Variants in QTGAL observed in about 807,000 individuals in gnomAD.
The protein encoded by QTGAL is BGnT-like protein 1.
chr17:82,961,174 G>A, the QTGAL span: 41 of 1,606,690 alleles, frequency 2.6e-5, no homozygotes, highest in African/African-American at 1.6e-4. Flanking sequence ...CAGGTCCTCC[G>A]GGACGCCCTG....
At chr17:83,006,445 G>A in the QTGAL span, 1 of 984,766 alleles carries the variant, frequency 1.0e-6, no homozygotes, top group East Asian at 1.1e-4. This position sits in a 1 kb window ranked among gnomAD's most constrained non-coding sequence, Gnocchi z 5.8. Flanking sequence ...ACTGTAGAGA[G>A]ACCCTCTGTG....
the QTGAL span, among the ~76,000 whole-genome samples, chr17:82,966,973 A>G: frequency 6.6e-6 from 1 of 152,232 alleles, no homozygotes; most frequent in Non-Finnish European, 1.5e-5. Context: ...AGCACCCATT[A>G]ATAAGAAGAC....
chr17:82,995,390 T>C, the QTGAL span, among the ~76,000 whole-genome samples: 1 of 151,566 alleles, frequency 6.6e-6, no homozygotes, highest in East Asian at 1.9e-4. Context: ...TTTTTCTTTT[T>C]TTTTTTTTTT....
chr17:83,040,553 A>G, the QTGAL span, among the ~76,000 whole-genome samples: 1 of 152,238 alleles, frequency 6.6e-6, no homozygotes, highest in Non-Finnish European at 1.5e-5. Context: ...AAAAAGAAAA[A>G]TCTTAAATAC....
At chr17:82,964,155 C>T in the QTGAL span, among the ~76,000 whole-genome samples, 1 of 146,048 alleles carries the variant, frequency 6.8e-6, no homozygotes, top group African/African-American at 2.6e-5. Context: ...CTCAGCTACT[C>T]AGGAGGCTGA....
chr17:83,034,009 T>C, the QTGAL span, among the ~76,000 whole-genome samples: 47,147 of 151,304 alleles, frequency 0.31, 8,103 homozygotes, highest in African/African-American at 0.47. Flanking sequence ...GGCGCAATCT[T>C]GGCTCACTGC....
chr17:82,996,841 A>T, the QTGAL span, among the ~76,000 whole-genome samples: 1 of 152,246 alleles, frequency 6.6e-6, no homozygotes, highest in South Asian at 2.1e-4. Context: ...CTGGATATCC[A>T]TATGCAAAAG....
chr17:83,012,932 C>T, the QTGAL span, among the ~76,000 whole-genome samples: 1 of 151,738 alleles, frequency 6.6e-6, no homozygotes, highest in Non-Finnish European at 1.5e-5. Flanking sequence ...CCGTCCCACC[C>T]GACAAGCAGA....
the QTGAL span, among the ~76,000 whole-genome samples, chr17:82,982,315 CGTGT>C: frequency 6.6e-6 from 1 of 152,224 alleles, no homozygotes; most frequent in African/African-American, 2.4e-5. Context: ...TTTTAAAACT[CGTGT>C]GTAAGTGGAC....
chr17:83,049,804 C>T, the QTGAL span, among the ~76,000 whole-genome samples: 1 of 152,106 alleles, frequency 6.6e-6, no homozygotes, highest in Non-Finnish European at 1.5e-5. Flanking sequence ...TTGTCCTTTT[C>T]TCATGAAGCC....
chr17:83,051,753 G>C, the QTGAL span: 2 of 1,497,842 alleles, frequency 1.3e-6, no homozygotes, highest in South Asian at 1.3e-5. Flanking sequence ...GGCCTGCATG[G>C]CCTGGCTCTC....
the QTGAL span, among the ~76,000 whole-genome samples, chr17:83,004,667 C>T: frequency 6.7e-6 from 1 of 149,684 alleles, no homozygotes; most frequent in East Asian, 2.0e-4. Flanking sequence ...AGCTCGCCCT[C>T]CCACCCTCCG....
At chr17:83,034,805 G>A in the QTGAL span, among the ~76,000 whole-genome samples, 5 of 152,338 alleles carry the variant, frequency 3.3e-5, no homozygotes, top group South Asian at 2.1e-4. Context: ...GCGCGACTGT[G>A]AGACCTGCCC....
chr17:83,009,669 A>G, the QTGAL span, among the ~76,000 whole-genome samples: 4 of 152,212 alleles, frequency 2.6e-5, no homozygotes, highest in Non-Finnish European at 4.4e-5. Flanking sequence ...AGGAGGGTCA[A>G]GCGTGTCTGG....
the QTGAL span, among the ~76,000 whole-genome samples, chr17:82,968,444 G>A: frequency 7.4e-6 from 1 of 135,616 alleles, no homozygotes; most frequent in African/African-American, 2.5e-5. Context: ...CAGCAACAGG[G>A]AAGGGAGGCC....
At chr17:82,952,212 C>T in the QTGAL span, among the ~76,000 whole-genome samples, 6 of 152,134 alleles carry the variant, frequency 3.9e-5, no homozygotes, top group Admixed American at 1.3e-4. Flanking sequence ...GACCAACACA[C>T]GCTGGCCTCA....
chr17:82,989,520 G>A, the QTGAL span, among the ~76,000 whole-genome samples: 1 of 148,244 alleles, frequency 6.7e-6, no homozygotes. Flanking sequence ...AAAAAAAGAT[G>A]GTTACCACCA....
At chr17:83,051,746 C>T in the QTGAL span, 213,038 of 1,495,188 alleles carry the variant, frequency 0.14, 16,413 homozygotes, top group South Asian at 0.21. Context: ...CCACGTGGGC[C>T]TGCATGGCCT....
the QTGAL span, chr17:82,942,734 T>A: frequency 7.3e-6 from 4 of 550,656 alleles, no homozygotes; most frequent in Non-Finnish European, 6.5e-6. Context: ...GAGCCTGATG[T>A]GTGTAGGGGT....
Sources: allele counts gnomAD v4.1 joint callset (sites outside exome capture counted in the v4.1 genomes callset), GRCh38; gene constraint gnomAD v4.1.1; non-coding constraint Gnocchi (gnomAD v3.1); transcripts MANE v1.5; gene names NCBI Gene and HGNC (gene_info 2026-07-23, HGNC 2026-07-21).